RALGAPA2: variants seen among roughly 807,000 people sequenced by gnomAD.
RALGAPA2 encodes ral GTPase-activating protein subunit alpha-2.
Under a neutral mutation model 230.4 loss-of-function variants are expected in RALGAPA2, and 139 were observed. The observed-to-expected ratio is 0.60, with a 90% CI of 0.53 to 0.69. The LOEUF (loss-of-function observed/expected upper bound fraction) is 0.69. Ranked by LOEUF, RALGAPA2 falls within the 30% of genes least tolerant of loss-of-function variation. RALGAPA2 has a pLI of 0.00. For synonymous variants in RALGAPA2, 847 were observed against 837.8 expected, an observed-to-expected ratio of 1.01 and a Z score of -0.19; for missense variants, 2,163 against 2,276.0, an observed-to-expected ratio of 0.95 and a Z score of 1.01.
intron 37 of RALGAPA2, among the ~76,000 whole-genome samples, chr20:20,422,332 C>T (rs2060294107): frequency 6.6e-6 from 1 of 152,148 alleles, no homozygotes; most frequent in African/African-American, 2.4e-5. Context: ...GGTGCAATGG[C>T]TCACCCCTGT....
intron 1 of RALGAPA2, among the ~76,000 whole-genome samples, chr20:20,689,083 A>G (rs767836735): frequency 2.6e-5 from 4 of 152,250 alleles, no homozygotes; most frequent in Non-Finnish European, 5.9e-5. Context: ...ACCATCTATT[A>G]TATAAAAGTC....
At chr20:20,625,779 C>A (rs186844605) in intron 10 of RALGAPA2, among the ~76,000 whole-genome samples, 1 of 152,036 alleles carries the variant, frequency 6.6e-6, no homozygotes, top group African/African-American at 2.4e-5. Flanking sequence ...AATGAGAAGA[C>A]GAGTTTACAG....
chr20:20,411,221 C>CTAAA (rs1199079658), intron 38 of RALGAPA2, among the ~76,000 whole-genome samples: 1 of 152,074 alleles, frequency 6.6e-6, no homozygotes. Flanking sequence ...CATGCATTGG[C>CTAAA]TAAATATCCC....
chr20:20,466,494 T>G (rs1158331280), intron 37 of RALGAPA2, among the ~76,000 whole-genome samples: 1 of 152,220 alleles, frequency 6.6e-6, no homozygotes, highest in Non-Finnish European at 1.5e-5. Flanking sequence ...TTAATACCTC[T>G]CAGACTCCTG....
chr20:20,708,910 G>A (rs1172628098), intron 1 of RALGAPA2, among the ~76,000 whole-genome samples: 4 of 152,116 alleles, frequency 2.6e-5, no homozygotes, highest in Admixed American at 1.3e-4. Flanking sequence ...GGCCAGGCAT[G>A]GTGGCTTATG....
chr20:20,649,363 A>G lies in RALGAPA2; in HGVS notation c.328+4167T>C, dbSNP rs75727944. On this transcript the variant is annotated intron_variant, in intron 4 of 39. Coordinates refer to ENST00000202677, the MANE Select transcript of RALGAPA2 (RefSeq NM_020343.4). ...GACCTTGAGAAATGAGACTGGTCAG[A>G]GGCTATGTTCACATCCCAGGCAATG... is the stretch of plus-strand genomic sequence containing the variant. Among the ~76,000 whole-genome samples, 914 of 152,326 alleles carry G rather than the reference A, an allele frequency of 6.0e-3. 8 individuals are homozygous for G. Among genetic ancestry groups the G allele is most frequent in the African/African-American group, 0.019 (781 of 41,564 alleles).
At position 20,449,851 on chromosome 20, in the gene RALGAPA2, A is replaced by G. The variant is rs191600753; in HGVS notation, c.5495+22978T>C. Among the ~76,000 whole-genome samples the G allele has an allele frequency of 3.7e-4, 57 of 152,366 alleles. 1 individual carries two copies. In the East Asian group the frequency reaches 0.011, roughly 28 times the overall value. ...TTATACAAAATATAATTTCATTAAC[A>G]GTAATTGACAACTTTAGAACAAGAA... On this transcript the variant is annotated intron_variant, in intron 37 of 39. Transcript: ENST00000202677.
chr20:20,633,616 T>C (rs1831027095), intron 9 of RALGAPA2, among the ~76,000 whole-genome samples: 1 of 152,138 alleles, frequency 6.6e-6, no homozygotes. Flanking sequence ...GTTTCCTGAA[T>C]AGCTGGGACT....
chr20:20,516,199 C>T (rs957511514), intron 31 of RALGAPA2, among the ~76,000 whole-genome samples: 3 of 152,244 alleles, frequency 2.0e-5, no homozygotes, highest in African/African-American at 7.2e-5. Context: ...AGAGTCAGAG[C>T]ACAGACCTGC....
At chr20:20,667,691 G>A (rs2068002022) in intron 3 of RALGAPA2, among the ~76,000 whole-genome samples, 1 of 152,210 alleles carries the variant, frequency 6.6e-6, no homozygotes, top group South Asian at 2.1e-4. Flanking sequence ...AAGGACGGGT[G>A]AGAAAGAGAC....
At chr20:20,476,491 A>T (rs1369074350) in intron 36 of RALGAPA2, among the ~76,000 whole-genome samples, 1 of 151,924 alleles carries the variant, frequency 6.6e-6, no homozygotes, top group East Asian at 1.9e-4. Context: ...CACTGGAACA[A>T]CTGGAGAGCC....
chr20:20,458,932 C>T (rs2061236546), intron 37 of RALGAPA2, among the ~76,000 whole-genome samples: 1 of 145,720 alleles, frequency 6.9e-6, no homozygotes. Flanking sequence ...GATCTCACAT[C>T]AAGGAAGATG....
At chr20:20,580,300 G>C (rs1449532800) in intron 20 of RALGAPA2, among the ~76,000 whole-genome samples, 1 of 152,108 alleles carries the variant, frequency 6.6e-6, no homozygotes, top group Non-Finnish European at 1.5e-5. Context: ...CACTTCCAGG[G>C]TTAGCTAATT....
intron 37 of RALGAPA2, among the ~76,000 whole-genome samples, chr20:20,432,988 C>A (rs2060531210): frequency 2.6e-5 from 4 of 152,202 alleles, no homozygotes. Flanking sequence ...CACCAAGAAT[C>A]TCCTAAGTGA....
chr20:20,554,852 A>C (rs1355323924), intron 23 of RALGAPA2, among the ~76,000 whole-genome samples: 1 of 152,238 alleles, frequency 6.6e-6, no homozygotes, highest in Non-Finnish European at 1.5e-5. Context: ...AATCAGATAT[A>C]TAATTTCAAA....
At chr20:20,523,557 T>C (rs1339206870) in intron 30 of RALGAPA2, among the ~76,000 whole-genome samples, 1 of 152,158 alleles carries the variant, frequency 6.6e-6, no homozygotes, top group Non-Finnish European at 1.5e-5. Context: ...TAATCAACTG[T>C]AGATTTCAAA....
chr20:20,652,986 G>A (rs1025220607), intron 4 of RALGAPA2, among the ~76,000 whole-genome samples: 14 of 151,790 alleles, frequency 9.2e-5, no homozygotes, highest in Non-Finnish European at 4.4e-5. Context: ...GAGGCCAGGA[G>A]TTCGAGACAG....
chr20:20,659,135 C>T (rs1228036512), intron 3 of RALGAPA2, among the ~76,000 whole-genome samples: 2 of 152,096 alleles, frequency 1.3e-5, no homozygotes, highest in Admixed American at 6.6e-5. Flanking sequence ...AATAAATATG[C>T]AGAAAACTTA....
chr20:20,497,419 TTC>T (rs2062240237), intron 35 of RALGAPA2, among the ~76,000 whole-genome samples: 1 of 152,088 alleles, frequency 6.6e-6, no homozygotes, highest in Non-Finnish European at 1.5e-5. Context: ...TGTCCTAGAG[TTC>T]ACACAGCCCT....
Sources: allele counts gnomAD v4.1 joint callset (sites outside exome capture counted in the v4.1 genomes callset), GRCh38; gene constraint gnomAD v4.1.1; transcripts MANE v1.5; gene names NCBI Gene and HGNC (gene_info 2026-07-23, HGNC 2026-07-21).